The following PTPRD variants were observed in gnomAD, a reference collection of about 807,000 sequenced individuals.
PTPRD encodes receptor-type tyrosine-protein phosphatase delta.
A neutral mutation model predicts 214.5 loss-of-function variants in PTPRD; 34 were observed. The ratio of observed to expected loss-of-function variants is 0.16; its 90% CI spans 0.12 to 0.21. PTPRD has a LOEUF of 0.21. Ranked by LOEUF, PTPRD falls within the 10% of genes least tolerant of loss-of-function variation. The probability of loss-of-function intolerance (pLI) is 1.00; values close to 1 mark genes in which losing one functional copy is unlikely to be tolerated. For missense variants in PTPRD, 2,545 were observed against 2,398.7 expected (o/e 1.06, Z -1.27); for synonymous variants, 1,128 against 845.7 (o/e 1.33, Z -5.79).
At chr9:9,329,071 C>CTG (rs2041292061) in intron 9 of PTPRD, among the ~76,000 whole-genome samples, 3 of 151,906 alleles carry the variant, frequency 2.0e-5, no homozygotes, top group African/African-American at 7.3e-5. Flanking sequence ...AAATAATGAA[C>CTG]AGTGACTCTG....
intron 9 of PTPRD, among the ~76,000 whole-genome samples, chr9:9,363,093 A>C (rs2056753325): frequency 6.9e-6 from 1 of 144,576 alleles, no homozygotes; most frequent in Admixed American, 7.3e-5. Flanking sequence ...ATTATCAGGA[A>C]ATCAGTACTA....
intron 8 of PTPRD, among the ~76,000 whole-genome samples, chr9:9,474,152 G>A (rs1207863630): frequency 2.6e-5 from 4 of 152,014 alleles, no homozygotes; most frequent in Admixed American, 2.6e-4. Flanking sequence ...AGAGATAGGG[G>A]TTTAATTTCA....
intron 10 of PTPRD, among the ~76,000 whole-genome samples, chr9:9,170,653 G>C (rs2099912718): frequency 6.6e-6 from 1 of 152,196 alleles, no homozygotes; most frequent in South Asian, 2.1e-4. Context: ...CTGTTTCTCT[G>C]CTGTGGTTAA....
At chr9:9,967,555 G>A (rs182628225) in intron 4 of PTPRD, among the ~76,000 whole-genome samples, 2 of 152,240 alleles carry the variant, frequency 1.3e-5, no homozygotes, top group African/African-American at 4.8e-5. Context: ...TCCTTACAGT[G>A]ACCATAAAAG....
At chr9:9,479,224 C>A (rs867141973) in intron 8 of PTPRD, among the ~76,000 whole-genome samples, 2 of 103,502 alleles carry the variant, frequency 1.9e-5, no homozygotes, top group Non-Finnish European at 4.3e-5. Flanking sequence ...CGCCCCCCCC[C>A]CCCCCACACA....
chr9:8,933,628 C>A (rs11790094), intron 11 of PTPRD, among the ~76,000 whole-genome samples: 68,364 of 151,544 alleles, frequency 0.45, 15,979 homozygotes, highest in Middle Eastern at 0.54. Flanking sequence ...TTTCAAGTGA[C>A]TATAAAGTAT....
chr9:8,843,013 C>A (rs2097590853), intron 11 of PTPRD, among the ~76,000 whole-genome samples: 1 of 152,146 alleles, frequency 6.6e-6, no homozygotes, highest in African/African-American at 2.4e-5. Context: ...CTCACAGCAT[C>A]CTATTTAGAT....
chr9:10,608,577 A>G (rs1478250099), intron 2 of PTPRD, among the ~76,000 whole-genome samples: 1 of 152,114 alleles, frequency 6.6e-6, no homozygotes, highest in Admixed American at 6.6e-5. Flanking sequence ...ATGCAACTTC[A>G]GTTATATTCA....
intron 12 of PTPRD, among the ~76,000 whole-genome samples, chr9:8,708,633 C>T (rs1184661793): frequency 2.1e-5 from 3 of 142,344 alleles, no homozygotes; most frequent in African/African-American, 5.2e-5. Flanking sequence ...GAGCCCAGAT[C>T]GCACCAGTGC....
At chr9:8,617,969 T>C (rs192465089) in intron 14 of PTPRD, among the ~76,000 whole-genome samples, 87 of 152,228 alleles carry the variant, frequency 5.7e-4, no homozygotes, top group Admixed American at 5.6e-3. Context: ...AACTGGTAGG[T>C]TGTCCCACTT....
intron 5 of PTPRD, chr9:9,803,605 G>GTCCC (rs1469027959): frequency 6.6e-6 from 1 of 151,890 alleles, no homozygotes; most frequent in Non-Finnish European, 1.5e-5. Context: ...AAATATAATT[G>GTCCC]TAACTGGTGC....
At chr9:8,925,623 A>T (rs1032603412) in intron 11 of PTPRD, among the ~76,000 whole-genome samples, 1 of 122,168 alleles carries the variant, frequency 8.2e-6, no homozygotes, top group Non-Finnish European at 1.6e-5. Context: ...CTCTGCATGG[A>T]GATCCTCAAA....
At chr9:9,864,543 C>T (rs1461167666) in intron 5 of PTPRD, among the ~76,000 whole-genome samples, 2 of 151,978 alleles carry the variant, frequency 1.3e-5, no homozygotes, top group East Asian at 1.9e-4. Context: ...TTTTGAGGCA[C>T]GGTCTCACTC....
At chr9:9,929,521 G>C (rs1253926829) in intron 5 of PTPRD, among the ~76,000 whole-genome samples, 1 of 152,128 alleles carries the variant, frequency 6.6e-6, no homozygotes, top group African/African-American at 2.4e-5. Flanking sequence ...AGCCTCCCAT[G>C]CAGCTGGGAC....
At chr9:10,299,007 C>G (rs2095780790) in intron 3 of PTPRD, among the ~76,000 whole-genome samples, 1 of 152,060 alleles carries the variant, frequency 6.6e-6, no homozygotes, top group African/African-American at 2.4e-5. Flanking sequence ...CTCACTGTCA[C>G]TACATTATTA....
intron 14 of PTPRD, among the ~76,000 whole-genome samples, chr9:8,565,766 T>C (rs998438199): frequency 6.6e-6 from 1 of 152,230 alleles, no homozygotes; most frequent in Admixed American, 6.5e-5. Flanking sequence ...TTGTTCTGCA[T>C]AGTTTATGAG....
chr9:9,496,768 T>C (rs1385921138), intron 8 of PTPRD, among the ~76,000 whole-genome samples: 1 of 152,156 alleles, frequency 6.6e-6, no homozygotes, highest in Non-Finnish European at 1.5e-5. Flanking sequence ...CAAAAATACA[T>C]TGAAAGCAGG....
chr9:10,470,729 T>C (rs960969239), intron 2 of PTPRD, among the ~76,000 whole-genome samples: 1 of 152,122 alleles, frequency 6.6e-6, no homozygotes, highest in Non-Finnish European at 1.5e-5. Context: ...TTTTCCCCTC[T>C]GAGGCAGGGG....
chr9:10,141,501 A>G (rs2098984813), intron 3 of PTPRD, among the ~76,000 whole-genome samples: 1 of 152,152 alleles, frequency 6.6e-6, no homozygotes, highest in Admixed American at 6.6e-5. Flanking sequence ...CCCATTCACA[A>G]TTGCTTCAAA....
Sources: gnomAD v4.1 joint callset for allele counts (sites outside exome capture counted in the v4.1 genomes callset) on GRCh38, gnomAD v4.1.1 for gene constraint, MANE v1.5 for transcripts, NCBI Gene and HGNC (gene_info 2026-07-23, HGNC 2026-07-21) for gene names.